Variants in ARNT2 observed in about 807,000 individuals in gnomAD.
ARNT2 encodes the protein ARNT protein 2.
Under a neutral mutation model 91.7 loss-of-function variants are expected in ARNT2, and 36 were observed. That is an observed-to-expected ratio of 0.39 (90% CI 0.30 to 0.52). The LOEUF is 0.52. ARNT2 is among the 20% of genes least tolerant of loss of function. ARNT2 has a pLI of 0.72. For synonymous variants in ARNT2, 365 were observed against 347.1 expected (o/e 1.05, Z -0.57); for missense variants, 775 against 939.3 (o/e 0.83, Z 2.29).
intron 8 of ARNT2, among the ~76,000 whole-genome samples, chr15:80,544,806 T>G (rs1897965361): frequency 6.6e-6 from 1 of 152,212 alleles, no homozygotes; most frequent in East Asian, 1.9e-4. Context: ...AAGAACAGTT[T>G]AAATGATGGA....
intron 1 of ARNT2, chr15:80,441,127 T>G (rs1206288295): frequency 1.3e-6 from 1 of 790,994 alleles, no homozygotes; most frequent in African/African-American, 1.9e-5. Context: ...AACCGATTTT[T>G]CAGAACCTAA....
chr15:80,585,429 A>C (rs958225865), intron 17 of ARNT2, among the ~76,000 whole-genome samples: 40 of 152,174 alleles, frequency 2.6e-4, no homozygotes, highest in African/African-American at 9.2e-4. Flanking sequence ...GTTAAGAAGG[A>C]CCCTGAGGAA....
chr15:80,405,271 A>G (rs1458354349), intron 1 of ARNT2, among the ~76,000 whole-genome samples: 2 of 152,226 alleles, frequency 1.3e-5, no homozygotes, highest in Non-Finnish European at 2.9e-5. Context: ...GTATTGTAGT[A>G]GGGAAGTTCC....
chr15:80,437,638 C>T (rs1896109478), intron 1 of ARNT2, among the ~76,000 whole-genome samples: 1 of 152,198 alleles, frequency 6.6e-6, no homozygotes, highest in Non-Finnish European at 1.5e-5. Flanking sequence ...TGTCCCATCC[C>T]TGTAGGGAAG....
In ARNT2 at chr15:80,576,978, G is replaced by A. The variant is rs933940748; in HGVS notation, c.1613+13G>A. 18 of 1,612,750 alleles carry A rather than the reference G, an allele frequency of 1.1e-5. No individual in the cohort carries two copies. Among genetic ancestry groups the A allele is most frequent in the Non-Finnish European group, 1.4e-5 (17 of 1,179,094 alleles). On this transcript the variant is annotated intron_variant, in intron 15 of 18. Transcript: ENST00000303329. ...GGAAGGCCTTCAGGTATGTGCCAGC[G>A]AGGGGGACAATGGCGTGGGAAGATG...
chr15:80,501,570 C>A (rs1442629843), intron 5 of ARNT2, among the ~76,000 whole-genome samples: 1 of 152,208 alleles, frequency 6.6e-6, no homozygotes, highest in Non-Finnish European at 1.5e-5. Context: ...TAGCCTGAGG[C>A]CTTGCTCTGT....
At chr15:80,524,665 A>G (rs1223737555) in intron 8 of ARNT2, among the ~76,000 whole-genome samples, 2 of 152,174 alleles carry the variant, frequency 1.3e-5, no homozygotes, top group African/African-American at 2.4e-5. Context: ...TCATGAGGTC[A>G]GCAGATCGAG....
chr15:80,509,437 G>A (rs1897313966), intron 6 of ARNT2, among the ~76,000 whole-genome samples: 1 of 151,270 alleles, frequency 6.6e-6, no homozygotes, highest in Non-Finnish European at 1.5e-5. Flanking sequence ...GTGAATCTCT[G>A]TCTCAAAAAA....
chr15:80,535,513 C>T (rs994285263), intron 8 of ARNT2, among the ~76,000 whole-genome samples: 1 of 152,190 alleles, frequency 6.6e-6, no homozygotes, highest in African/African-American at 2.4e-5. Flanking sequence ...TGAGCATCTT[C>T]CCTGGATATA....
intron 3 of ARNT2, among the ~76,000 whole-genome samples, chr15:80,464,797 G>A (rs1896626842): frequency 6.6e-6 from 1 of 152,174 alleles, no homozygotes; most frequent in African/African-American, 2.4e-5. Flanking sequence ...GGCCATGAAG[G>A]ATGTTCCTGG....
At chr15:80,424,777 C>CA (rs11403327) in intron 1 of ARNT2, among the ~76,000 whole-genome samples, 91,349 of 146,968 alleles carry the variant, frequency 0.62, 29,537 homozygotes, top group Non-Finnish European at 0.74. Flanking sequence ...AAACAGCCCT[C>CA]AAAAAAAAAA....
intron 1 of ARNT2, among the ~76,000 whole-genome samples, chr15:80,407,336 CCGGTGATGTTGGGGTCTTCA>C (rs1481606538): frequency 6.6e-6 from 1 of 152,168 alleles, no homozygotes; most frequent in African/African-American, 2.4e-5. Flanking sequence ...TTGTTGGTGA[CCGGTGATGTTGGGGTCTTCA>C]CGCTCATGTT....
At position 80,404,473 on chromosome 15, in the gene ARNT2, T is replaced by C. The variant is rs1157215208; in HGVS notation, c.-43T>C. 8.3e-7 allele frequency: 1 copy of C among 1,206,324 alleles called. No individual in the cohort carries two copies. Among genetic ancestry groups the C allele is most frequent in the South Asian group, 1.7e-5 (1 of 60,418 alleles). The allele number at this position is 1,206,324 out of a possible 1,614,324, so 74.7% of individuals were successfully genotyped here. A position where few individuals can be genotyped will look rare whatever the true frequency, so the allele number is the denominator to read the frequency against. Reference sequence around the variant, plus strand: ...TGAGCGCCGGGCTCCGCGCCGCCCCTCCCGCGCCCCTGCCAAGCGGGCGCC... The same window carrying C: ...TGAGCGCCGGGCTCCGCGCCGCCCCCCCCGCGCCCCTGCCAAGCGGGCGCC... On this transcript the variant is annotated 5_prime_UTR_variant, in exon 1 of 19. Coordinates refer to ENST00000303329, the MANE Select transcript of ARNT2 (RefSeq NM_014862.4). The surrounding 1 kb of genome is among the most constrained non-coding windows in gnomAD (Gnocchi z 5.5).
chr15:80,528,380 A>G (rs1451935416), intron 8 of ARNT2, among the ~76,000 whole-genome samples: 1 of 151,906 alleles, frequency 6.6e-6, no homozygotes, highest in East Asian at 1.9e-4. Context: ...CTATCTATCT[A>G]TCTATCTATC....
At chr15:80,442,814 A>C in intron 1 of ARNT2, 1 of 983,614 alleles carries the variant, frequency 1.0e-6, no homozygotes, top group Non-Finnish European at 1.2e-6. Context: ...TTCTGTCTCT[A>C]AAATTTTTTT....
At chr15:80,495,972 C>A (rs986595090) in intron 5 of ARNT2, among the ~76,000 whole-genome samples, 1 of 152,236 alleles carries the variant, frequency 6.6e-6, no homozygotes, top group African/African-American at 2.4e-5. Context: ...GCTGCCTTTG[C>A]ATTTTGTGCA....
rs544722252 is a variant in ARNT2, at chr15:80,448,147, C to T, written c.32-2733C>T. On this transcript the variant is annotated intron_variant, in intron 1 of 18. Coordinates refer to ENST00000303329, the MANE Select transcript of ARNT2 (RefSeq NM_014862.4). ...ATTTTTAAAATGCCCCTTCAAGGTA[C>T]ATATTATGAACATTTCACAGCTGAC... is the stretch of plus-strand genomic sequence containing the variant. Among the ~76,000 whole-genome samples, 155 of 152,240 alleles carry T rather than the reference C, an allele frequency of 1.0e-3. 1 individual carries two copies. The South Asian group carries it at 0.03, about 29-fold the overall frequency.
chr15:80,467,410 G>A (rs1896671279), intron 3 of ARNT2, among the ~76,000 whole-genome samples: 1 of 152,206 alleles, frequency 6.6e-6, no homozygotes, highest in African/African-American at 2.4e-5. Flanking sequence ...TGATGGGTGG[G>A]GAGCAGCTGA....
chr15:80,569,827 G>A (rs1567004540), intron 12 of ARNT2, among the ~76,000 whole-genome samples: 1 of 152,258 alleles, frequency 6.6e-6, no homozygotes, highest in Non-Finnish European at 1.5e-5. Context: ...AGAGGGCCAG[G>A]TTTGTGCCCC....
Sources: allele counts gnomAD v4.1 joint callset (sites outside exome capture counted in the v4.1 genomes callset), GRCh38; gene constraint gnomAD v4.1.1; non-coding constraint Gnocchi (gnomAD v3.1); transcripts MANE v1.5; gene names NCBI Gene and HGNC (gene_info 2026-07-23, HGNC 2026-07-21).